The following SYT2 variants were observed in gnomAD, a reference collection of about 807,000 sequenced individuals.
SYT2 encodes synaptotagmin-2.
SYT2 carries 15 observed loss-of-function variants against 39.9 expected under a neutral mutation model. That is an observed-to-expected ratio of 0.38 (90% CI 0.25 to 0.58). The LOEUF is 0.58. SYT2 is among the 20% of genes least tolerant of loss of function. SYT2 has a pLI of 0.70. For missense variants in SYT2, 389 were observed against 530.3 expected (o/e 0.73, Z 2.62); for synonymous variants, 181 against 204.5 (o/e 0.89, Z 0.98).
intron 1 of SYT2, among the ~76,000 whole-genome samples, chr1:202,683,740 TAAAA>T (rs36091072): frequency 7.5e-6 from 1 of 132,562 alleles, no homozygotes; most frequent in Non-Finnish European, 1.6e-5. Context: ...AGACCCTGTT[TAAAA>T]AAAAAAAAAA....
chr1:202,611,702 A>G (rs1306641122), intron 1 of SYT2, among the ~76,000 whole-genome samples: 6 of 152,108 alleles, frequency 3.9e-5, no homozygotes, highest in Non-Finnish European at 7.4e-5. Context: ...AAAGTTTTCA[A>G]TTTTGATGAT....
At chr1:202,685,377 T>TGTGGAGAA (rs1204613871) in intron 1 of SYT2, among the ~76,000 whole-genome samples, 1 of 152,150 alleles carries the variant, frequency 6.6e-6, no homozygotes, top group African/African-American at 2.4e-5. Context: ...CCATTAGCAA[T>TGTGGAGAA]GTGGAGAATC....
intron 1 of SYT2, among the ~76,000 whole-genome samples, chr1:202,709,715 G>A (rs930581056): frequency 2.6e-5 from 4 of 152,162 alleles, no homozygotes; most frequent in Non-Finnish European, 5.9e-5. Flanking sequence ...GATGGCCCCT[G>A]CAGTCTGTCT....
intron 1 of SYT2, among the ~76,000 whole-genome samples, chr1:202,690,792 C>A (rs537218094): frequency 3.9e-5 from 6 of 152,294 alleles, no homozygotes; most frequent in Admixed American, 2.6e-4. Context: ...TGAAGGAAAA[C>A]AATTCTAATA....
At chr1:202,667,522 T>G (rs1238596320) in intron 1 of SYT2, among the ~76,000 whole-genome samples, 2 of 151,218 alleles carry the variant, frequency 1.3e-5, no homozygotes, top group Non-Finnish European at 2.9e-5. Context: ...TGTACCTTCC[T>G]GTGTGTATTT....
intron 1 of SYT2, among the ~76,000 whole-genome samples, chr1:202,656,617 A>G (rs1352016185): frequency 6.6e-6 from 1 of 152,236 alleles, no homozygotes; most frequent in Non-Finnish European, 1.5e-5. Context: ...GATGGTGCGA[A>G]GCTTAGATGA....
intron 1 of SYT2, among the ~76,000 whole-genome samples, chr1:202,697,135 G>A (rs971084458): frequency 1.3e-5 from 2 of 152,222 alleles, no homozygotes; most frequent in African/African-American, 2.4e-5. Flanking sequence ...GCAGATGGCA[G>A]CTGCCACAGG....
intron 1 of SYT2, among the ~76,000 whole-genome samples, chr1:202,651,584 A>G (rs895360603): frequency 1.3e-5 from 2 of 152,202 alleles, no homozygotes; most frequent in African/African-American, 4.8e-5. Flanking sequence ...ATTCCAGACT[A>G]TTGGACTCAA....
intron 1 of SYT2, among the ~76,000 whole-genome samples, chr1:202,622,491 G>A (rs1691229445): frequency 6.6e-6 from 1 of 152,136 alleles, no homozygotes; most frequent in South Asian, 2.1e-4. Flanking sequence ...TCCTTCTAGT[G>A]TCTAACTTCA....
chr1:202,707,236 T>A (rs1654275869), intron 1 of SYT2, among the ~76,000 whole-genome samples: 1 of 152,172 alleles, frequency 6.6e-6, no homozygotes, highest in Admixed American at 6.5e-5. Context: ...ACTACAATAG[T>A]GGCACATGGT....
intron 1 of SYT2, 92 bp from the exon 2 acceptor site, chr1:202,605,881 A>C: frequency 2.4e-6 from 2 of 837,086 alleles, no homozygotes; most frequent in Non-Finnish European, 3.8e-6. Context: ...GAAGCTCTTT[A>C]TAGATCAAAG....
At chr1:202,635,009 T>C (rs1691703421) in intron 1 of SYT2, among the ~76,000 whole-genome samples, 1 of 152,200 alleles carries the variant, frequency 6.6e-6, no homozygotes, top group Admixed American at 6.5e-5. Context: ...AATTGTGCGC[T>C]TAAATGGGTG....
chr1:202,598,499 G>C (rs1179205413), intron 8 of SYT2, among the ~76,000 whole-genome samples: 3 of 152,174 alleles, frequency 2.0e-5, no homozygotes, highest in Non-Finnish European at 4.4e-5. Flanking sequence ...AGATTCTCTT[G>C]TACCCTTGCC....
intron 1 of SYT2, among the ~76,000 whole-genome samples, chr1:202,652,450 T>G (rs1268196911): frequency 6.6e-6 from 1 of 152,190 alleles, no homozygotes; most frequent in Non-Finnish European, 1.5e-5. Flanking sequence ...TCAGATCAAC[T>G]TTAGTGCACC....
intron 1 of SYT2, among the ~76,000 whole-genome samples, chr1:202,646,589 G>A (rs1572655571): frequency 6.6e-6 from 1 of 152,322 alleles, no homozygotes; most frequent in East Asian, 1.9e-4. Flanking sequence ...TATGACTACA[G>A]GCAAATTGCA....
chr1:202,629,878 G>C lies in SYT2; in HGVS notation c.-17-24089C>G, dbSNP rs186918860. ...CAGCAGGCAGCTGGTGGGGGGGGGG[G>C]GGTGGTACGGCAGGTGTGTTGCTCA... On this transcript the variant is annotated intron_variant, in intron 1 of 8. Transcript: ENST00000367268. Among the ~76,000 whole-genome samples the C allele has an allele frequency of 2.7e-4, 32 of 119,392 alleles. 5 individuals carry two copies. Among genetic ancestry groups the C allele is most frequent in the African/African-American group, 9.1e-4 (27 of 29,762 alleles). The allele number at this position is 119,392 out of a possible 152,430, so 78.3% of individuals were successfully genotyped here. A position where few individuals can be genotyped will look rare whatever the true frequency, so the allele number is the denominator to read the frequency against.
chr1:202,703,372 A>G (rs560649419), intron 1 of SYT2, among the ~76,000 whole-genome samples: 6 of 152,128 alleles, frequency 3.9e-5, no homozygotes, highest in Admixed American at 6.5e-5. Flanking sequence ...AGCTAAGAGT[A>G]GGAGTGAGGA....
Position 202,601,966 on chromosome 1 carries a change from T to C in SYT2, c.725A>G (p.Lys242Arg), listed in dbSNP as rs1690519722. The C allele has an allele frequency of 6.2e-7, 1 of 1,614,208 alleles. No individual in the cohort carries two copies. Among genetic ancestry groups the C allele is most frequent in the Admixed American group, 1.7e-5 (1 of 60,032 alleles). ...FSKHDIIGEV[K>R]VPMNTVDLGQ... ...GAGGTCCACTGTGTTCATAGGCACCTTTACCTCTCCAATGATGTCATGTTT... is the reference window on the plus strand; with the variant it reads ...GAGGTCCACTGTGTTCATAGGCACCCTTACCTCTCCAATGATGTCATGTTT... Residue 242 changes from lysine to arginine, a missense_variant, in exon 6 of 9, where the codon AAG (lysine) becomes AGG (arginine). Lys to Arg is a conservative substitution (Grantham distance 26). This residue lies in a region of SYT2 where 280 missense variants were observed against 335.6 expected (regional missense o/e 0.83). Transcript: ENST00000367268. The surrounding 1 kb of genome is among the most constrained non-coding windows in gnomAD (Gnocchi z 4.0).
At chr1:202,678,915 A>T (rs920813434) in intron 1 of SYT2, among the ~76,000 whole-genome samples, 4 of 152,010 alleles carry the variant, frequency 2.6e-5, no homozygotes, top group Non-Finnish European at 4.4e-5. Flanking sequence ...CTACATTCTG[A>T]CACACATCGC....
Sources: gnomAD v4.1 joint callset for allele counts (sites outside exome capture counted in the v4.1 genomes callset) on GRCh38, gnomAD v4.1.1 for gene constraint, gnomAD v4.1.1 regional missense constraint, Gnocchi (gnomAD v3.1) non-coding constraint, MANE v1.5 for transcripts, NCBI Gene and HGNC (gene_info 2026-07-23, HGNC 2026-07-21) for gene names.